The following RPL3 variants were observed in gnomAD, a reference collection of about 807,000 sequenced individuals.
RPL3 encodes the protein large ribosomal subunit protein uL3.
RPL3 carries 3 observed loss-of-function variants against 46.0 expected under a neutral mutation model. The ratio of observed to expected loss-of-function variants is 0.07; its 90% confidence interval spans 0.03 to 0.17. The LOEUF is 0.17. Among genes scored for constraint, RPL3 ranks in the 10% least tolerant of loss-of-function variants. The pLI, the probability that RPL3 is intolerant of heterozygous loss-of-function variation, is 1.00. For missense variants in RPL3, 387 were observed against 532.7 expected, an observed-to-expected ratio of 0.73 and a Z score of 2.69; for synonymous variants, 224 against 190.8, an observed-to-expected ratio of 1.17 and a Z score of -1.43.
Position 39,317,692 on chromosome 22 carries a change from A to AGGAAAAT in RPL3, c.197-70_197-64dup, listed in dbSNP as rs563150068. 3.9e-4 allele frequency: 614 copies of AGGAAAAT among 1,582,780 alleles called. 5 individuals carry two copies. The East Asian group carries it at 0.012, about 32-fold the overall frequency. ...CCAAGCAAGGGGTGTAATGTTTTCTAGGAAAATGCAAAGTGCCCATTTAGG... is the reference window on the plus strand; with the variant it reads ...CCAAGCAAGGGGTGTAATGTTTTCTAGGAAAATGGAAAATGCAAAGTGCCCATTTAGG... On this transcript the variant is annotated intron_variant, in intron 2 of 9. Transcript: ENST00000216146.
chr22:39,318,821 G>C (rs1041211930), intron 1 of RPL3, among the ~76,000 whole-genome samples: 1 of 152,106 alleles, frequency 6.6e-6, no homozygotes, highest in African/African-American at 2.4e-5. Context: ...CAACCTGTAA[G>C]AAAACGACCC....
In RPL3 at chr22:39,314,278, C is replaced by CCTG. The variant is rs1922543173; in HGVS notation, c.850-73_850-71dup. 3.0e-6 allele frequency: 4 copies of CCTG among 1,332,968 alleles called. No homozygotes were observed. The Admixed American group carries it at 6.8e-5, about 23-fold the overall frequency. The allele number at this position is 1,332,968 out of a possible 1,614,324, so 82.6% of individuals were successfully genotyped here. A position where few individuals can be genotyped will look rare whatever the true frequency, so the allele number is the denominator to read the frequency against. Reference sequence around the variant, plus strand: ...TAACCCAGACATGCCAGTGTGCTGACCTGCAAAGCACGCTAGAAGGCAGCT... The same window carrying CCTG: ...TAACCCAGACATGCCAGTGTGCTGACCTGCTGCAAAGCACGCTAGAAGGCAGCT... On this transcript the variant is annotated intron_variant, in intron 6 of 9. Coordinates refer to ENST00000216146, the MANE Select transcript of RPL3 (RefSeq NM_000967.4).
chr22:39,313,119 C>G, intron 9 of RPL3, 72 bp downstream of exon 9: 10 of 1,597,018 alleles, frequency 6.3e-6, no homozygotes, highest in Non-Finnish European at 8.5e-6. Context: ...CACCCCTACC[C>G]CGGCTGGAGC....
At chr22:39,316,922 T>C in intron 3 of RPL3, 81 bp from the exon 4 acceptor site, 1 of 1,603,438 alleles carries the variant, frequency 6.2e-7, no homozygotes, top group Non-Finnish European at 8.5e-7. Flanking sequence ...GAAGGCACAC[T>C]GGCACCGCGT....
At chr22:39,315,758 T>C (rs1922648350) in intron 4 of RPL3, among the ~76,000 whole-genome samples, 1 of 152,132 alleles carries the variant, frequency 6.6e-6, no homozygotes. Flanking sequence ...GGTGCCTGAG[T>C]TACTGTCAGG....
intron 1 of RPL3, chr22:39,319,132 G>A (rs762247925): frequency 7.4e-6 from 4 of 541,712 alleles, no homozygotes; most frequent in South Asian, 2.8e-5. Flanking sequence ...GAGCTCCAGA[G>A]GCCTTCGGAG....
chr22:39,319,556 C>G, intron 1 of RPL3, 39 bp downstream of exon 1: 1 of 1,560,492 alleles, frequency 6.4e-7, no homozygotes, highest in South Asian at 1.2e-5. Flanking sequence ...GCCGTGCCGA[C>G]GCCGGTGACA....
chr22:39,319,206 C>T lies in RPL3; in HGVS notation c.3+389G>A. ...CACTCCCCTCCCCCAAGCTTCTTTA[C>T]CTCCCAATGAGAACGGCGCCGAGAA... On this transcript the variant is annotated intron_variant, in intron 1 of 9. Coordinates refer to ENST00000216146, the MANE Select transcript of RPL3 (RefSeq NM_000967.4). 3 of 539,848 alleles carry T rather than the reference C, an allele frequency of 5.6e-6. No individual in the cohort carries two copies. The Admixed American group carries it at 6.2e-5, about 11-fold the overall frequency. 33.4% of individuals were successfully genotyped at this position (539,848 alleles called of 1,614,324 possible).
intron 8 of RPL3, 123 bp from the exon 9 acceptor site, chr22:39,313,433 G>A: frequency 1.4e-6 from 2 of 1,477,404 alleles, no homozygotes; most frequent in East Asian, 2.3e-5. Flanking sequence ...CCATCCGGCA[G>A]ATGAGGACAC....
In RPL3 at chr22:39,317,292, C is replaced by T. The variant is rs74542405; in HGVS notation, c.365+169G>A. On this transcript the variant is annotated intron_variant, in intron 3 of 9. Transcript: ENST00000216146. ...GAGGGTGTTAGCTTCCGGCTGAAAC[C>T]AGATGGCTGGCCAAGTCTGATCCCA... The T allele has an allele frequency of 8.1e-3, 6,287 of 773,328 alleles. 277 individuals carry two copies. The African/African-American group carries it at 0.1, about 12-fold the overall frequency. 47.9% of individuals were successfully genotyped at this position (773,328 alleles called of 1,614,324 possible). A position where few individuals can be genotyped will look rare whatever the true frequency, so the allele number is the denominator to read the frequency against.
chr22:39,316,874 C>G (rs765723742), intron 3 of RPL3, 33 bp from the exon 4 acceptor site: 1 of 1,613,216 alleles, frequency 6.2e-7, no homozygotes, highest in South Asian at 1.1e-5. Context: ...GGGAGGGGAC[C>G]AGGTGCAGGC....
In RPL3 at chr22:39,313,197, T is replaced by G. The variant is rs779406536; in HGVS notation, c.1161A>C (p.Ala387=). The change falls in exon 9 of 10, where the codon GCA becomes GCC. Residue 387 remains alanine (A), a synonymous_variant. Transcript: ENST00000216146. ...GRFQTMEEKK[A]FMGPLKKDRI... ...GGCAGGCAGAGGTGCTCACCATGAA[T>G]GCTTTCTTCTCCTCCATGGTCTGGA... 8 of 1,608,156 alleles carry G rather than the reference T, an allele frequency of 5.0e-6. No homozygotes were observed. Among genetic ancestry groups the G allele is most frequent in the Admixed American group, 1.7e-5 (1 of 58,994 alleles).
chr22:39,319,528 C>A, intron 1 of RPL3, 67 bp downstream of exon 1: 1 of 1,550,528 alleles, frequency 6.4e-7, no homozygotes, highest in South Asian at 1.2e-5. Context: ...GGGATGGCGG[C>A]GATGCGTCGC....
At chr22:39,317,325 T>C in intron 3 of RPL3, 136 bp downstream of exon 3, 1 of 1,001,878 alleles carries the variant, frequency 1.0e-6, no homozygotes, top group Non-Finnish European at 1.4e-6. Flanking sequence ...CCAGGTATTT[T>C]TCTGTTCGAG....
rs1329923482 is a variant in RPL3, at chr22:39,319,580, C to G, written c.3+15G>C. 6.4e-7 allele frequency: 1 copy of G among 1,568,896 alleles called. No individual in the cohort carries two copies. Among genetic ancestry groups the G allele is most frequent in the Non-Finnish European group, 8.6e-7 (1 of 1,156,216 alleles). ...ACGCCGGTGACAATGAAACGGCCGC[C>G]ATTACAACACATACCATCACGCCAT... On this transcript the variant is annotated intron_variant, in intron 1 of 9. Transcript: ENST00000216146.
At chr22:39,317,192 A>G (rs1601630662) in intron 3 of RPL3, 2 of 563,658 alleles carry the variant, frequency 3.5e-6, no homozygotes, top group African/African-American at 3.8e-5. Context: ...TTATTCTGCT[A>G]CCTCTCCTGG....
chr22:39,319,180 A>G (rs2146521720), intron 1 of RPL3: 2 of 544,094 alleles, frequency 3.7e-6, no homozygotes, highest in Non-Finnish European at 7.4e-6. Flanking sequence ...GGACTCCACA[A>G]CACTCCCCTC....
At chr22:39,316,144 CAGG>C (rs1213818851) in intron 4 of RPL3, among the ~76,000 whole-genome samples, 2 of 151,648 alleles carry the variant, frequency 1.3e-5, no homozygotes, top group African/African-American at 4.9e-5. Flanking sequence ...GAGGCTGAGG[CAGG>C]AGAATAGCTT....
At chr22:39,316,995 G>A (rs979124409) in intron 3 of RPL3, 154 bp from the exon 4 acceptor site, 3 of 1,156,806 alleles carry the variant, frequency 2.6e-6, no homozygotes, top group East Asian at 2.4e-5. Context: ...AGCCTGGATG[G>A]AGCTCATCGG....
Sources: gnomAD v4.1 joint callset for allele counts (sites outside exome capture counted in the v4.1 genomes callset) on GRCh38, gnomAD v4.1.1 for gene constraint, MANE v1.5 for transcripts, NCBI Gene and HGNC (gene_info 2026-07-23, HGNC 2026-07-21) for gene names.